Variants in MAML2 observed in about 807,000 individuals in gnomAD.
MAML2 encodes mastermind like transcriptional coactivator 2.
MAML2 carries 22 observed loss-of-function variants against 96.1 expected under a neutral mutation model. The observed-to-expected ratio is 0.23, with a 90% confidence interval of 0.16 to 0.33. The LOEUF is 0.33. Ranked by LOEUF, MAML2 falls within the 10% of genes least tolerant of loss-of-function variation. The pLI is 1.00. For synonymous variants in MAML2, 561 were observed against 521.3 expected (o/e 1.08, Z -1.04); for missense variants, 1,367 against 1,392.4 (o/e 0.98, Z 0.29).
intron 1 of MAML2, among the ~76,000 whole-genome samples, chr11:96,261,391 G>T (rs1278262845): frequency 3.3e-5 from 5 of 151,974 alleles, no homozygotes; most frequent in Non-Finnish European, 7.4e-5. Context: ...ACCCAGTTTT[G>T]GGTGTTTTGT....
intron 2 of MAML2, among the ~76,000 whole-genome samples, chr11:96,062,156 CT>C (rs145770624): frequency 0.017 from 2,624 of 151,354 alleles, 64 homozygotes; most frequent in African/African-American, 0.058. Context: ...GAGTATGGTA[CT>C]TTTTTTTTGC....
intron 1 of MAML2, among the ~76,000 whole-genome samples, chr11:96,159,675 C>T (rs537376021): frequency 2.0e-5 from 3 of 152,210 alleles, no homozygotes; most frequent in East Asian, 1.9e-4. Flanking sequence ...CCGCCCACCT[C>T]GGCCTCCCAA....
At chr11:96,188,167 G>A (rs752212947) in intron 1 of MAML2, among the ~76,000 whole-genome samples, 3 of 152,160 alleles carry the variant, frequency 2.0e-5, no homozygotes, top group Admixed American at 1.3e-4. Context: ...GTGAGAAGTC[G>A]CCAAGTTTGT....
At chr11:95,994,717 T>G (rs1214341998) in intron 2 of MAML2, among the ~76,000 whole-genome samples, 3 of 152,206 alleles carry the variant, frequency 2.0e-5, no homozygotes, top group Non-Finnish European at 4.4e-5. Flanking sequence ...GCTCTTTTCT[T>G]TGTTAGTTTG....
At chr11:96,019,915 T>C (rs1858410933) in intron 2 of MAML2, among the ~76,000 whole-genome samples, 1 of 152,222 alleles carries the variant, frequency 6.6e-6, no homozygotes, top group Non-Finnish European at 1.5e-5. Flanking sequence ...TCCATACTTA[T>C]GACTCAAAGT....
At chr11:96,205,359 A>G (rs920744808) in intron 1 of MAML2, among the ~76,000 whole-genome samples, 1 of 152,222 alleles carries the variant, frequency 6.6e-6, no homozygotes, top group Non-Finnish European at 1.5e-5. Context: ...CAGATGCTCT[A>G]TACTTGTTTA....
At chr11:96,084,493 G>A (rs927539077) in intron 2 of MAML2, among the ~76,000 whole-genome samples, 3 of 152,144 alleles carry the variant, frequency 2.0e-5, no homozygotes, top group African/African-American at 7.2e-5. Context: ...AGATGGGCTG[G>A]CCAGCTTATT....
At chr11:96,084,040 C>T (rs189903898) in intron 2 of MAML2, among the ~76,000 whole-genome samples, 1 of 152,014 alleles carries the variant, frequency 6.6e-6, no homozygotes, top group African/African-American at 2.4e-5. Flanking sequence ...GAAGGAACAG[C>T]GTATTTGAAG....
chr11:95,979,153 G>A lies in MAML2; in HGVS notation c.3266C>T (p.Ser1089Leu). ...AAAAGCCCTGGAACTTTGGTTGGGT[G>A]AAGGAAAATTGCTGGGCGTCAGGGA... Reference protein sequence around the residue: ...PPSLTPSNFPSPNQSSRAFQG... With the variant: ...PPSLTPSNFPLPNQSSRAFQG... The change falls in exon 5 of 5, where the codon TCA becomes TTA. Residue 1089 changes from serine to leucine, a missense_variant. Physicochemically the swap from Ser to Leu is moderately radical, Grantham distance 145 (BLOSUM62 -2). Coordinates refer to ENST00000524717, the MANE Select transcript of MAML2 (RefSeq NM_032427.4). The A allele has an allele frequency of 1.2e-6, 2 of 1,614,048 alleles. No individual in the cohort carries two copies. The highest frequency in any genetic ancestry group is 1.7e-6 in the Non-Finnish European group (2 of 1,179,894).
intron 1 of MAML2, among the ~76,000 whole-genome samples, chr11:96,253,085 A>G (rs965237298): frequency 6.6e-6 from 1 of 152,276 alleles, no homozygotes; most frequent in South Asian, 2.1e-4. Context: ...AGAAATACCC[A>G]AGGCTCTGCA....
intron 1 of MAML2, among the ~76,000 whole-genome samples, chr11:96,161,170 C>T (rs1861097682): frequency 6.6e-6 from 1 of 152,188 alleles, no homozygotes; most frequent in African/African-American, 2.4e-5. Context: ...CTGAGGACCG[C>T]TCTCTGAGAA....
intron 2 of MAML2, among the ~76,000 whole-genome samples, chr11:96,046,429 T>G (rs1329344044): frequency 6.6e-6 from 1 of 152,154 alleles, no homozygotes; most frequent in African/African-American, 2.4e-5. Flanking sequence ...TTCAAAACTA[T>G]GAATGGTAGA....
intron 1 of MAML2, among the ~76,000 whole-genome samples, chr11:96,313,052 T>C (rs1327890193): frequency 1.3e-5 from 2 of 152,226 alleles, no homozygotes; most frequent in Non-Finnish European, 1.5e-5. Context: ...AGTACTTGAA[T>C]GTGCTGGCTA....
chr11:96,273,991 C>A (rs1191864860), intron 1 of MAML2, among the ~76,000 whole-genome samples: 3 of 151,684 alleles, frequency 2.0e-5, no homozygotes, highest in Non-Finnish European at 4.4e-5. Context: ...ATCCTGTTAT[C>A]CTGTCTCCTT....
intron 1 of MAML2, among the ~76,000 whole-genome samples, chr11:96,148,695 CACACACACACACAT>C (rs1860864489): frequency 6.7e-6 from 1 of 148,702 alleles, no homozygotes; most frequent in African/African-American, 2.5e-5. Flanking sequence ...CACACACACA[CACACACACACACAT>C]AAGCACGCAC....
intron 2 of MAML2, among the ~76,000 whole-genome samples, chr11:96,030,720 T>C (rs1858599681): frequency 6.6e-6 from 1 of 152,180 alleles, no homozygotes; most frequent in Non-Finnish European, 1.5e-5. Flanking sequence ...GCAGTGACCA[T>C]TGACCTGACA....
intron 1 of MAML2, among the ~76,000 whole-genome samples, chr11:96,148,672 A>ACACACACACAC (rs1202695991): frequency 1.6e-5 from 2 of 123,626 alleles, no homozygotes; most frequent in Non-Finnish European, 3.7e-5. Flanking sequence ...ACACACACAC[A>ACACACACACAC]CACACACACA....
chr11:96,311,480 G>A (rs978960697), intron 1 of MAML2, among the ~76,000 whole-genome samples: 2 of 152,112 alleles, frequency 1.3e-5, no homozygotes, highest in East Asian at 1.9e-4. Flanking sequence ...TTCATCCCAC[G>A]GGAGAAGGCA....
At position 96,343,068 on chromosome 11, in the gene MAML2, C is replaced by G. The variant is rs571728517; in HGVS notation, c.-1173G>C. Reference sequence around the variant, plus strand: ...CTTTATAGATGGAAAAAAAAAGTAGCTTGTATTTTCCTTTCTCTTTCTCGT... The same window carrying G: ...CTTTATAGATGGAAAAAAAAAGTAGGTTGTATTTTCCTTTCTCTTTCTCGT... On this transcript the variant is annotated 5_prime_UTR_variant, in exon 1 of 5. Coordinates refer to ENST00000524717, the MANE Select transcript of MAML2 (RefSeq NM_032427.4). The G allele has an allele frequency of 9.0e-5, 36 of 398,228 alleles. No individual in the cohort carries two copies. The highest frequency in any genetic ancestry group is 1.5e-4 in the Non-Finnish European group (34 of 225,916). 24.7% of individuals were successfully genotyped at this position (398,228 alleles called of 1,614,324 possible).
Sources: gnomAD v4.1 joint callset for allele counts (sites outside exome capture counted in the v4.1 genomes callset) on GRCh38, gnomAD v4.1.1 for gene constraint, MANE v1.5 for transcripts, NCBI Gene and HGNC (gene_info 2026-07-23, HGNC 2026-07-21) for gene names.